PDE7B: variants seen among roughly 807,000 people sequenced by gnomAD.
PDE7B encodes the protein 3',5'-cyclic-AMP phosphodiesterase 7B.
PDE7B carries 29 observed loss-of-function variants against 56.2 expected under a neutral mutation model. The observed-to-expected ratio is 0.52, with a 90% CI of 0.38 to 0.70. The LOEUF is 0.70. Ranked by LOEUF, PDE7B falls within the 30% of genes least tolerant of loss-of-function variation. The pLI is 0.00. For synonymous variants in PDE7B, 197 were observed against 196.9 expected (o/e 1.00, Z 0.00); for missense variants, 490 against 565.0 (o/e 0.87, Z 1.35).
intron 2 of PDE7B, among the ~76,000 whole-genome samples, chr6:135,963,605 G>A (rs907102616): frequency 2.6e-5 from 4 of 152,032 alleles, no homozygotes; most frequent in Non-Finnish European, 4.4e-5. Context: ...GATTTGATTC[G>A]TCGTATTTTG....
chr6:136,152,341 A>T (rs185997035), intron 6 of PDE7B, among the ~76,000 whole-genome samples: 1 of 152,378 alleles, frequency 6.6e-6, no homozygotes, highest in African/African-American at 2.4e-5. Flanking sequence ...TTTTTAAAAA[A>T]TAATAATAAC....
At chr6:135,980,931 T>A (rs1775283056) in intron 2 of PDE7B, among the ~76,000 whole-genome samples, 4 of 148,700 alleles carry the variant, frequency 2.7e-5, no homozygotes, top group African/African-American at 1.0e-4. Context: ...ATCCCATTAC[T>A]GGGTATATAC....
chr6:136,179,776 C>T (rs1351056021), intron 10 of PDE7B, among the ~76,000 whole-genome samples: 1 of 152,204 alleles, frequency 6.6e-6, no homozygotes, highest in Non-Finnish European at 1.5e-5. Flanking sequence ...CCTTTTACTA[C>T]CTAAACTTCT....
intron 2 of PDE7B, among the ~76,000 whole-genome samples, chr6:135,997,895 G>A (rs546818109): frequency 1.3e-5 from 2 of 152,102 alleles, no homozygotes; most frequent in East Asian, 3.9e-4. Flanking sequence ...TTTTAATACT[G>A]CCTTTTTACT....
chr6:136,121,919 T>C (rs1446630627), intron 3 of PDE7B, among the ~76,000 whole-genome samples: 1 of 152,228 alleles, frequency 6.6e-6, no homozygotes, highest in Non-Finnish European at 1.5e-5. Context: ...AGAATTGATG[T>C]AAAATTAGGC....
At chr6:136,174,756 G>A (rs940659460) in intron 9 of PDE7B, among the ~76,000 whole-genome samples, 3 of 152,092 alleles carry the variant, frequency 2.0e-5, no homozygotes, top group African/African-American at 7.2e-5. Context: ...ATCTCATGCT[G>A]TTTCCTAGCA....
At chr6:136,155,283 G>A (rs944020141) in intron 7 of PDE7B, among the ~76,000 whole-genome samples, 1 of 152,170 alleles carries the variant, frequency 6.6e-6, no homozygotes, top group Admixed American at 6.5e-5. Context: ...TTCTCTAGGA[G>A]CAAGGCTGAT....
chr6:135,857,853 TAA>T (rs1413164009), intron 1 of PDE7B, among the ~76,000 whole-genome samples: 1 of 152,186 alleles, frequency 6.6e-6, no homozygotes, highest in Non-Finnish European at 1.5e-5. Flanking sequence ...AACAGTGGTA[TAA>T]ATACATAGAC....
At chr6:136,053,779 T>C (rs1776677586) in intron 2 of PDE7B, among the ~76,000 whole-genome samples, 1 of 152,144 alleles carries the variant, frequency 6.6e-6, no homozygotes, top group Non-Finnish European at 1.5e-5. Flanking sequence ...TATCTCATTG[T>C]GGTTTTGATT....
intron 1 of PDE7B, among the ~76,000 whole-genome samples, chr6:135,934,803 A>G (rs1237711233): frequency 8.4e-6 from 1 of 118,852 alleles, no homozygotes; most frequent in Non-Finnish European, 1.6e-5. Flanking sequence ...TTAAATATAT[A>G]TATTTATTAT....
chr6:135,938,108 G>A (rs1774452234), intron 1 of PDE7B, among the ~76,000 whole-genome samples: 1 of 152,178 alleles, frequency 6.6e-6, no homozygotes. Context: ...TGAGGAATAG[G>A]TTTGGGATTT....
chr6:136,091,552 T>G (rs977373019), intron 2 of PDE7B, among the ~76,000 whole-genome samples: 2 of 152,248 alleles, frequency 1.3e-5, no homozygotes, highest in African/African-American at 4.8e-5. Flanking sequence ...CTCACCTTAC[T>G]TAACTGCTGT....
chr6:135,954,545 T>A (rs866265822), intron 2 of PDE7B, among the ~76,000 whole-genome samples: 45 of 152,160 alleles, frequency 3.0e-4, no homozygotes, highest in African/African-American at 1.0e-3. Context: ...AAGATTAACA[T>A]GCATTCATTG....
chr6:136,189,414 A>C (rs937879124), intron 12 of PDE7B, among the ~76,000 whole-genome samples: 27 of 152,100 alleles, frequency 1.8e-4, no homozygotes, highest in Admixed American at 1.6e-3. Context: ...AAATACAAAA[A>C]AATAAAATTA....
chr6:136,110,435 G>A (rs1228755560), intron 3 of PDE7B, among the ~76,000 whole-genome samples: 1 of 152,130 alleles, frequency 6.6e-6, no homozygotes, highest in Non-Finnish European at 1.5e-5. Flanking sequence ...GTTTCATATA[G>A]ACCAGAACGC....
intron 1 of PDE7B, among the ~76,000 whole-genome samples, chr6:135,863,202 TATTG>T (rs1029551034): frequency 2.6e-5 from 4 of 152,026 alleles, no homozygotes; most frequent in African/African-American, 9.7e-5. Context: ...TTTGTATCTT[TATTG>T]ATTTTCTTTG....
chr6:136,191,037 T>TTTA (rs1471563191), intron 12 of PDE7B, among the ~76,000 whole-genome samples: 12 of 143,212 alleles, frequency 8.4e-5, no homozygotes, highest in African/African-American at 3.2e-4. Context: ...TTTTTTTTTT[T>TTTA]ACTTATATGT....
intron 1 of PDE7B, among the ~76,000 whole-genome samples, chr6:135,912,573 T>C (rs1776231249): frequency 1.3e-5 from 2 of 151,938 alleles, no homozygotes; most frequent in South Asian, 2.1e-4. Flanking sequence ...AGGAAGAATA[T>C]ACCTGAAAGA....
chr6:136,175,694 T>G (rs1170234987), intron 9 of PDE7B, among the ~76,000 whole-genome samples: 1 of 152,176 alleles, frequency 6.6e-6, no homozygotes, highest in East Asian at 1.9e-4. Context: ...TTGTCAGCCG[T>G]ATGGCATTAT....
Sources: allele counts gnomAD v4.1 joint callset (sites outside exome capture counted in the v4.1 genomes callset), GRCh38; gene constraint gnomAD v4.1.1; transcripts MANE v1.5; gene names NCBI Gene and HGNC (gene_info 2026-07-23, HGNC 2026-07-21).